Variants in TDRD12 observed in about 807,000 individuals in gnomAD.
The protein encoded by TDRD12 is tudor domain containing 12.
TDRD12 carries 158 observed loss-of-function variants against 133.5 expected under a neutral mutation model. The observed-to-expected ratio is 1.18, with a 90% CI of 1.04 to 1.35. TDRD12 has a LOEUF of 1.35. Ranked by LOEUF, TDRD12 falls within the 40% of genes most tolerant of loss-of-function variation. The probability of loss-of-function intolerance (pLI) is 0.00; values close to 1 mark genes in which losing one functional copy is unlikely to be tolerated. For synonymous variants in TDRD12, 460 were observed against 477.9 expected (o/e 0.96, Z 0.49); for missense variants, 1,443 against 1,321.3 (o/e 1.09, Z -1.43).
intron 1 of TDRD12, among the ~76,000 whole-genome samples, chr19:32,727,386 CT>C (rs1188660441): frequency 6.6e-6 from 1 of 152,092 alleles, no homozygotes; most frequent in Non-Finnish European, 1.5e-5. Context: ...AGATATAAGC[CT>C]TGCAAATATT....
At chr19:32,762,412 C>A (rs1970175645) in intron 8 of TDRD12, among the ~76,000 whole-genome samples, 1 of 152,068 alleles carries the variant, frequency 6.6e-6, no homozygotes, top group Non-Finnish European at 1.5e-5. Flanking sequence ...TTGAGTTGTT[C>A]CAGCACCATT....
intron 6 of TDRD12, among the ~76,000 whole-genome samples, chr19:32,753,592 C>T (rs953416087): frequency 3.9e-5 from 6 of 152,050 alleles, no homozygotes; most frequent in African/African-American, 1.2e-4. Flanking sequence ...CAAGCTCCAC[C>T]TCCTGGGTTC....
chr19:32,785,920 G>A (rs1474752946), intron 11 of TDRD12, among the ~76,000 whole-genome samples: 1 of 152,062 alleles, frequency 6.6e-6, no homozygotes, highest in African/African-American at 2.4e-5. Flanking sequence ...GGGGCATTTA[G>A]GCCATTTACA....
chr19:32,751,467 C>T (rs1010724331), intron 6 of TDRD12, among the ~76,000 whole-genome samples: 4 of 152,116 alleles, frequency 2.6e-5, no homozygotes, highest in African/African-American at 9.7e-5. Context: ...ATAGCCATTT[C>T]ATCAATGATT....
At chr19:32,758,308 G>C (rs1012212259) in intron 8 of TDRD12, among the ~76,000 whole-genome samples, 2 of 152,142 alleles carry the variant, frequency 1.3e-5, no homozygotes, top group African/African-American at 2.4e-5. Context: ...AGTGCCTGCT[G>C]ATTGGTTAGT....
intron 25 of TDRD12, 34 bp from the exon 26 acceptor site, chr19:32,815,414 T>G (rs983407472): frequency 8.0e-6 from 12 of 1,499,596 alleles, no homozygotes; most frequent in Non-Finnish European, 1.1e-5. Flanking sequence ...TCAGAGTGAT[T>G]ACTGCTAATG....
intron 14 of TDRD12, chr19:32,796,287 C>T: frequency 1.4e-6 from 1 of 733,508 alleles, no homozygotes; most frequent in Non-Finnish European, 1.7e-6. Context: ...TATGATTTCC[C>T]TTTAGAAAGT....
chr19:32,726,213 TG>T (rs950724801), intron 1 of TDRD12, among the ~76,000 whole-genome samples: 16 of 152,046 alleles, frequency 1.1e-4, no homozygotes, highest in Non-Finnish European at 2.4e-4. Context: ...CCCAAGTAGC[TG>T]GGACTACAGG....
At chr19:32,777,192 GAGA>G in exon 11 of TDRD12, 9 of 1,542,858 alleles carry the variant, frequency 5.8e-6, no homozygotes, top group Non-Finnish European at 7.9e-6. Context: ...TAGATTGACT[GAGA>G]AGAAAGAATA....
intron 10 of TDRD12, among the ~76,000 whole-genome samples, chr19:32,775,442 G>T (rs968689511): frequency 5.3e-5 from 8 of 151,976 alleles, no homozygotes; most frequent in African/African-American, 1.9e-4. Context: ...GCGATCCTCC[G>T]GCCCCAGCCT....
intron 8 of TDRD12, among the ~76,000 whole-genome samples, chr19:32,771,915 A>G (rs1244951992): frequency 1.3e-5 from 2 of 152,122 alleles, no homozygotes; most frequent in Non-Finnish European, 2.9e-5. Context: ...TGTCATTTCA[A>G]TTTGTGTTCC....
At position 32,812,624 on chromosome 19, in the gene TDRD12, C is replaced by T. The variant is rs148358663; in HGVS notation, c.3049-1060C>T. ...CCCTACTGGGTTCTGGGGATGTAGC[C>T]GTCAGCAAGAATGTCACAGTTCTTT... On this transcript the variant is annotated intron_variant, in intron 24 of 27. Coordinates refer to ENST00000444215, the Ensembl canonical transcript of TDRD12. 2.7e-4 allele frequency among the ~76,000 whole-genome samples: 41 copies of T among 152,232 alleles called. No individual in the cohort carries two copies. In the East Asian group the frequency reaches 6.2e-3, roughly 23 times the overall value.
intron 2 of TDRD12, among the ~76,000 whole-genome samples, chr19:32,734,187 G>A (rs1407297263): frequency 1.3e-5 from 2 of 151,852 alleles, no homozygotes; most frequent in East Asian, 1.9e-4. Context: ...GAGCCACCGC[G>A]CCTGGCCTTT....
intron 4 of TDRD12, among the ~76,000 whole-genome samples, chr19:32,743,157 A>T (rs1192207894): frequency 6.6e-6 from 1 of 152,246 alleles, no homozygotes; most frequent in Non-Finnish European, 1.5e-5. Flanking sequence ...AATATTCATA[A>T]AACATAGGAT....
chr19:32,749,723 A>G (rs1599855933), intron 5 of TDRD12, 61 bp from the exon 6 acceptor site: 1 of 1,312,734 alleles, frequency 7.6e-7, no homozygotes, highest in South Asian at 1.3e-5. Flanking sequence ...GGAAATCGTC[A>G]TGATTGTTTC....
At chr19:32,723,683 A>AG (rs1350651265) in intron 1 of TDRD12, among the ~76,000 whole-genome samples, 3 of 151,380 alleles carry the variant, frequency 2.0e-5, no homozygotes. Context: ...AAAAAAAAAA[A>AG]CCATGCTGGA....
rs1422280396 is a variant in TDRD12, at chr19:32,749,734, A to ACCTAGT, written c.497-50_497-49insCCTAGT. 18 of 1,374,538 alleles carry ACCTAGT rather than the reference A, an allele frequency of 1.3e-5. No individual in the cohort carries two copies. In the African/African-American group the frequency reaches 2.6e-4, roughly 20 times the overall value. The allele number at this position is 1,374,538 out of a possible 1,614,324, so 85.1% of individuals were successfully genotyped here. A position where few individuals can be genotyped will look rare whatever the true frequency, so the allele number is the denominator to read the frequency against. On this transcript the variant is annotated intron_variant, in intron 5 of 27. Transcript: ENST00000444215. ...GGTGGGAAATCGTCATGATTGTTTCAAATATACTTTTAACATCAGCTGATT... is the reference window on the plus strand; with the variant it reads ...GGTGGGAAATCGTCATGATTGTTTCACCTAGTAATATACTTTTAACATCAGCTGATT...
intron 11 of TDRD12, among the ~76,000 whole-genome samples, chr19:32,784,579 C>G (rs906383553): frequency 2.0e-5 from 3 of 152,136 alleles, no homozygotes; most frequent in Admixed American, 6.6e-5. Context: ...GCTGCTCTTT[C>G]TACCTCTGGT....
chr19:32,746,577 A>T (rs866675070), intron 4 of TDRD12, among the ~76,000 whole-genome samples: 6 of 137,526 alleles, frequency 4.4e-5, no homozygotes, highest in Non-Finnish European at 7.8e-5. Flanking sequence ...TGTGTGTGTG[A>T]GAGAGAGAGA....
Sources: allele counts gnomAD v4.1 joint callset (sites outside exome capture counted in the v4.1 genomes callset), GRCh38; gene constraint gnomAD v4.1.1; transcripts MANE v1.5; gene names NCBI Gene and HGNC (gene_info 2026-07-23, HGNC 2026-07-21).